The following LAMA2 variants were observed in gnomAD, a reference collection of about 807,000 sequenced individuals.
LAMA2 encodes the protein laminin subunit alpha 2, also known as laminin subunit alpha-2.
In LAMA2, 269 loss-of-function variants were observed where a neutral mutation model predicts 364.8. The ratio of observed to expected loss-of-function variants is 0.74; its 90% CI spans 0.67 to 0.82. The LOEUF (loss-of-function observed/expected upper bound fraction) is 0.82. LAMA2 is among the 40% of genes least tolerant of loss of function. The pLI is 0.00. For missense variants in LAMA2, 3,807 were observed against 3,873.2 expected (o/e 0.98, Z 0.45); for synonymous variants, 1,379 against 1,370.6 (o/e 1.01, Z -0.14).
At chr6:129,186,355 G>C (rs568781260) in intron 10 of LAMA2, among the ~76,000 whole-genome samples, 3 of 151,692 alleles carry the variant, frequency 2.0e-5, no homozygotes, top group Non-Finnish European at 4.4e-5. Context: ...TTCATCATTC[G>C]ATATTTAGGT....
chr6:129,489,631 G>A (rs1214207482), intron 56 of LAMA2, among the ~76,000 whole-genome samples: 1 of 152,052 alleles, frequency 6.6e-6, no homozygotes, highest in Non-Finnish European at 1.5e-5. Context: ...CAGGAAGTAG[G>A]GTGAGATATT....
At chr6:129,428,394 A>G (rs1447220110) in intron 41 of LAMA2, among the ~76,000 whole-genome samples, 1 of 152,228 alleles carries the variant, frequency 6.6e-6, no homozygotes, top group Non-Finnish European at 1.5e-5. Context: ...TGATCACACT[A>G]CTGTACACCA....
Position 129,315,853 on chromosome 6 carries a change from T to C in LAMA2, c.3827T>C (p.Ile1276Thr). Reference sequence around the variant, plus strand: ...TCTACATATAATCCTCAAGTGATCATTCGAGGTGGGACACCTACTCATGCT... The same window carrying C: ...TCTACATATAATCCTCAAGTGATCACTCGAGGTGGGACACCTACTCATGCT... ...GFSTYNPQVI[I>T]RGGTPTHARI... The change falls in exon 26 of 65, where the codon ATT becomes ACT. Residue 1276 changes from isoleucine to threonine, a missense_variant. By Grantham distance (89) the Ile-to-Thr change is moderately conservative. Coordinates refer to ENST00000421865, the MANE Select transcript of LAMA2 (RefSeq NM_000426.4). 6.2e-7 allele frequency: 1 copy of C among 1,614,016 alleles called. No homozygotes were observed. Among genetic ancestry groups the C allele is most frequent in the Non-Finnish European group, 8.5e-7 (1 of 1,179,904 alleles).
intron 14 of LAMA2, among the ~76,000 whole-genome samples, chr6:129,253,336 A>AG (rs1223216685): frequency 5.9e-5 from 9 of 152,278 alleles, no homozygotes; most frequent in Admixed American, 5.9e-4. Context: ...CCAATATTGG[A>AG]GTTTTTATTG....
chr6:129,137,660 T>C (rs1777881994), intron 4 of LAMA2, among the ~76,000 whole-genome samples: 1 of 152,082 alleles, frequency 6.6e-6, no homozygotes, highest in South Asian at 2.1e-4. Flanking sequence ...AAATTTTAAG[T>C]GATACATGCA....
chr6:129,421,885 A>G (rs1232091619), intron 40 of LAMA2, among the ~76,000 whole-genome samples: 5 of 151,986 alleles, frequency 3.3e-5, no homozygotes, highest in Admixed American at 3.3e-4. Flanking sequence ...CTATACTATT[A>G]CAATAACCAA....
At chr6:129,251,149 G>A (rs1290909018) in intron 13 of LAMA2, among the ~76,000 whole-genome samples, 1 of 141,096 alleles carries the variant, frequency 7.1e-6, no homozygotes, top group African/African-American at 2.6e-5. Context: ...GGTGAAAAGA[G>A]TTCTCTAAAT....
intron 12 of LAMA2, among the ~76,000 whole-genome samples, chr6:129,239,301 C>T (rs775786169): frequency 1.3e-5 from 2 of 152,170 alleles, no homozygotes; most frequent in Non-Finnish European, 2.9e-5. Flanking sequence ...TAGAACTGTA[C>T]TCTTTTCCAC....
intron 1 of LAMA2, chr6:128,929,463 T>C: frequency 2.4e-6 from 2 of 836,064 alleles, no homozygotes; most frequent in Admixed American, 1.7e-5. Context: ...TCAGGAAAGA[T>C]ACCTCCATTT....
intron 53 of LAMA2, among the ~76,000 whole-genome samples, chr6:129,478,006 CTTG>C (rs1784159405): frequency 4.5e-5 from 1 of 22,288 alleles, no homozygotes; most frequent in African/African-American, 8.2e-5. Flanking sequence ...TCAGGCTGGT[CTTG>C]TCTTGAACTC....
chr6:129,456,456 G>T lies in LAMA2; in HGVS notation c.6829G>T (p.Ala2277Ser). ...CACGATTCTAGATGTGGATGCAAAT[G>T]CAATGCTGTTTGTTGGTGGCCTGAC... ...GYTILDVDAN[A>S]MLFVGGLTGK... Residue 2277 changes from alanine (A) to serine (S), a missense_variant, in exon 48 of 65, where the codon GCA (alanine) becomes TCA (serine). Around this residue, in one of 3 missense-constraint regions of LAMA2, gnomAD observed 3,333 missense variants for 3,345.7 expected, o/e 1.00. Coordinates refer to ENST00000421865, the MANE Select transcript of LAMA2 (RefSeq NM_000426.4). The T allele has an allele frequency of 6.2e-7, 1 of 1,613,520 alleles. No homozygotes were observed. Among genetic ancestry groups the T allele is most frequent in the Non-Finnish European group, 8.5e-7 (1 of 1,179,606 alleles).
chr6:129,265,998 T>A (rs1787484832), intron 15 of LAMA2, among the ~76,000 whole-genome samples: 1 of 152,126 alleles, frequency 6.6e-6, no homozygotes, highest in Non-Finnish European at 1.5e-5. Context: ...ATGTTCAAAT[T>A]TGAGAGTCCT....
chr6:129,041,767 C>T (rs1008533014), intron 1 of LAMA2, among the ~76,000 whole-genome samples: 1 of 151,950 alleles, frequency 6.6e-6, no homozygotes, highest in Non-Finnish European at 1.5e-5. Context: ...ATTTGGGAGG[C>T]TGAGGTGGGA....
chr6:128,888,877 AG>A (rs1254822876), intron 1 of LAMA2, among the ~76,000 whole-genome samples: 1 of 152,256 alleles, frequency 6.6e-6, no homozygotes, highest in African/African-American at 2.4e-5. Context: ...CCATGGGACT[AG>A]ACCAACAGTC....
At chr6:129,098,712 G>A (rs1210767509) in intron 4 of LAMA2, among the ~76,000 whole-genome samples, 1 of 152,208 alleles carries the variant, frequency 6.6e-6, no homozygotes, top group East Asian at 1.9e-4. Context: ...GATTGCTAAT[G>A]ATTAGAGAAG....
chr6:129,388,453 G>T (rs1291621000), intron 35 of LAMA2, among the ~76,000 whole-genome samples: 1 of 152,074 alleles, frequency 6.6e-6, no homozygotes, highest in African/African-American at 2.4e-5. Context: ...AATTATGTAT[G>T]CCATCCAAAA....
At chr6:128,950,375 C>T (rs1780735897) in intron 1 of LAMA2, among the ~76,000 whole-genome samples, 1 of 152,114 alleles carries the variant, frequency 6.6e-6, no homozygotes. Context: ...TCAGAAGCAA[C>T]ATACCAAGAA....
At chr6:129,315,410 A>T in intron 24 of LAMA2, 66 bp from the exon 25 acceptor site, 1 of 1,419,502 alleles carries the variant, frequency 7.0e-7, no homozygotes, top group Non-Finnish European at 1.0e-6. Flanking sequence ...TGCAGTTCGT[A>T]ACTTAGTTTT....
intron 61 of LAMA2, among the ~76,000 whole-genome samples, chr6:129,506,414 T>C (rs1046719166): frequency 6.6e-6 from 1 of 152,030 alleles, no homozygotes; most frequent in African/African-American, 2.4e-5. Context: ...GTAGCAGGCA[T>C]ATAAAAAGCA....
Sources: allele counts gnomAD v4.1 joint callset (sites outside exome capture counted in the v4.1 genomes callset), GRCh38; gene constraint gnomAD v4.1.1; regional missense constraint gnomAD v4.1.1; transcripts MANE v1.5; gene names NCBI Gene and HGNC (gene_info 2026-07-23, HGNC 2026-07-21).